The following ATF7 variants were observed in gnomAD, a reference collection of about 807,000 sequenced individuals.
ATF7 encodes activating transcription factor 7.
A neutral mutation model predicts 50.4 loss-of-function variants in ATF7; 10 were observed. The ratio of observed to expected loss-of-function variants is 0.20; its 90% CI spans 0.12 to 0.34. The LOEUF is 0.34. Ranked by LOEUF, ATF7 falls within the 10% of genes least tolerant of loss-of-function variation. ATF7 has a pLI of 1.00. For synonymous variants in ATF7, 201 were observed against 226.4 expected, an observed-to-expected ratio of 0.89 and a Z score of 1.01; for missense variants, 465 against 613.9, an observed-to-expected ratio of 0.76 and a Z score of 2.56.
chr12:53,546,508 A>AT (rs1220366462), intron 3 of ATF7, among the ~76,000 whole-genome samples: 1 of 151,050 alleles, frequency 6.6e-6, no homozygotes, highest in Admixed American at 6.6e-5. Context: ...GAGTGCAGCA[A>AT]TGTGATCTCG....
intron 9 of ATF7, among the ~76,000 whole-genome samples, chr12:53,527,865 G>A (rs1221042470): frequency 6.7e-6 from 1 of 150,276 alleles, no homozygotes. Flanking sequence ...TTTTTGAGAT[G>A]GAGTCTTGCT....
At chr12:53,599,378 T>C (rs1943291537) in intron 2 of ATF7, among the ~76,000 whole-genome samples, 3 of 152,054 alleles carry the variant, frequency 2.0e-5, no homozygotes, top group African/African-American at 7.2e-5. Context: ...TAAAGCTGTC[T>C]GAAAAGTGAA....
chr12:53,588,703 T>C (rs2137756322), intron 2 of ATF7, among the ~76,000 whole-genome samples: 1 of 152,342 alleles, frequency 6.6e-6, no homozygotes, highest in East Asian at 1.9e-4. Flanking sequence ...TAGTAGAGGA[T>C]GCTGAAGCCT....
Position 53,524,883 on chromosome 12 carries a change from G to T in ATF7, c.928-122C>A, listed in dbSNP as rs1200586274. ...GATATACCAGCCTCTGGTAACCACA[G>T]CAAGTCTCATTACTATGTCCCCAAG... On this transcript the variant is annotated intron_variant, in intron 9 of 11. Transcript: ENST00000420353. This position sits in a 1 kb window ranked among gnomAD's most constrained non-coding sequence, Gnocchi z 4.6. 6 of 944,096 alleles carry T rather than the reference G, an allele frequency of 6.4e-6. No individual in the cohort carries two copies. The highest frequency in any genetic ancestry group is 7.6e-6 in the Non-Finnish European group (5 of 657,390). 58.5% of individuals were successfully genotyped at this position (944,096 alleles called of 1,614,324 possible). A position where few individuals can be genotyped will look rare whatever the true frequency, so the allele number is the denominator to read the frequency against.
intron 4 of ATF7, among the ~76,000 whole-genome samples, chr12:53,539,689 TG>T (rs1939422516): frequency 3.2e-5 from 1 of 31,466 alleles, no homozygotes; most frequent in Non-Finnish European, 6.2e-5. Context: ...ATCCTGTCAA[TG>T]AATGAATGAA....
At position 53,517,322 on chromosome 12, in the gene ATF7, A is replaced by G; in HGVS notation, c.1267T>C (p.Ser423Pro). Residue 423 changes from serine to proline, a missense_variant, in exon 12 of 12, where the codon TCT becomes CCT. By Grantham distance (74) the Ser-to-Pro change is moderately conservative. Coordinates refer to ENST00000420353, the MANE Select transcript of ATF7 (RefSeq NM_006856.3). ...CTGTGCTGAATCACAGGGGCTGGAGAACCCGTTGGCTCTGAGCTTTCCTTG... is the reference window on the plus strand; with the variant it reads ...CTGTGCTGAATCACAGGGGCTGGAGGACCCGTTGGCTCTGAGCTTTCCTTG... ...SPKESSEPTG[S>P]PAPVIQHSSA... is the part of the protein sequence containing the mutation. 6.2e-7 allele frequency: 1 copy of G among 1,613,876 alleles called. No homozygotes were observed. The highest frequency in any genetic ancestry group is 1.3e-5 in the African/African-American group (1 of 75,038).
intron 2 of ATF7, among the ~76,000 whole-genome samples, chr12:53,573,094 A>AG (rs1234307626): frequency 6.6e-6 from 1 of 151,922 alleles, no homozygotes; most frequent in African/African-American, 2.4e-5. Flanking sequence ...CAAAAAAAAA[A>AG]AAAAAAGATG....
At chr12:53,601,097 T>A in intron 1 of ATF7, 76 bp from the exon 2 acceptor site, 1 of 1,089,100 alleles carries the variant, frequency 9.2e-7, no homozygotes, top group Non-Finnish European at 1.3e-6. Flanking sequence ...GCTTCAAAAA[T>A]ATCAACCCTA....
At chr12:53,548,507 T>A (rs1279360682) in intron 3 of ATF7, among the ~76,000 whole-genome samples, 2 of 151,690 alleles carry the variant, frequency 1.3e-5, no homozygotes, top group Non-Finnish European at 2.9e-5. Context: ...AATTTTAAAA[T>A]TTTTTTGTAG....
At chr12:53,552,437 C>T in intron 3 of ATF7, 104 bp downstream of exon 3, 1 of 894,230 alleles carries the variant, frequency 1.1e-6, no homozygotes, top group Non-Finnish European at 1.8e-6. Context: ...CATAAGGGCT[C>T]TTAATGGGAG....
intron 4 of ATF7, among the ~76,000 whole-genome samples, chr12:53,539,798 G>A (rs1248788510): frequency 6.6e-6 from 1 of 152,182 alleles, no homozygotes; most frequent in Non-Finnish European, 1.5e-5. Context: ...ACCAGGTGTG[G>A]TGGCTCACGC....
chr12:53,587,843 A>ATATATATATTTTTTT, intron 2 of ATF7, among the ~76,000 whole-genome samples: 9 of 61,568 alleles, frequency 1.5e-4, no homozygotes, highest in Non-Finnish European at 2.4e-4. Context: ...ATATATATAT[A>ATATATATATTTTTTT]TTTTTTTTTT....
intron 1 of ATF7, among the ~76,000 whole-genome samples, chr12:53,618,440 T>A (rs1329926296): frequency 6.6e-6 from 1 of 152,206 alleles, no homozygotes; most frequent in Non-Finnish European, 1.5e-5. Flanking sequence ...TGCAATTTTT[T>A]AAAAACGAAA....
In ATF7 at chr12:53,547,792, T is replaced by C. The variant is rs1940045320; in HGVS notation, c.146-4344A>G. Among the ~76,000 whole-genome samples the C allele has an allele frequency of 2.9e-5, 4 of 139,342 alleles. No homozygotes were observed. The South Asian group carries it at 9.5e-4, about 33-fold the overall frequency. The allele number at this position is 139,342 out of a possible 152,430, so 91.4% of individuals were successfully genotyped here. Reference sequence around the variant, plus strand: ...GTATGTATGTATGTATGTATGTATGTATGATGTATTTATTTTTAGATACAG... The same window carrying C: ...GTATGTATGTATGTATGTATGTATGCATGATGTATTTATTTTTAGATACAG... On this transcript the variant is annotated intron_variant, in intron 3 of 11. Transcript: ENST00000420353.
Position 53,517,350 on chromosome 12 carries a change from G to A in ATF7, c.1239C>T (p.Ser413=), listed in dbSNP as rs749421812. The part of the protein sequence containing the change: ...LQKKTQGYLE[S]PKESSEPTGS... Reference sequence around the variant, plus strand: ...CCGTTGGCTCTGAGCTTTCCTTGGGGCTTTCTGCCAGGAAGGAGGGCAAAG... The same window carrying A: ...CCGTTGGCTCTGAGCTTTCCTTGGGACTTTCTGCCAGGAAGGAGGGCAAAG... The change falls in exon 12 of 12, where the codon AGC becomes AGT. Residue 413 remains serine, a synonymous_variant. Coordinates refer to ENST00000420353, the MANE Select transcript of ATF7 (RefSeq NM_006856.3). The A allele has an allele frequency of 1.9e-6, 3 of 1,612,870 alleles. No individual in the cohort carries two copies. The highest frequency in any genetic ancestry group is 1.1e-5 in the South Asian group (1 of 90,956).
At chr12:53,565,481 T>C (rs969766646) in intron 2 of ATF7, among the ~76,000 whole-genome samples, 1 of 8,334 alleles carries the variant, frequency 1.2e-4, no homozygotes, top group Non-Finnish European at 2.4e-4. Flanking sequence ...ACTCTCTTTT[T>C]CTGGGCGGGG....
rs7959997 is a variant in ATF7, at chr12:53,559,101, G to A, written c.49-6464C>T. On this transcript the variant is annotated intron_variant, in intron 2 of 11. Coordinates refer to ENST00000420353, the MANE Select transcript of ATF7 (RefSeq NM_006856.3). ...GTTCAAGACCAGCCTGGGCAACATC[G>A]TTAAGACCTTGTCTCTATTTAAAAA... 6.8e-3 allele frequency among the ~76,000 whole-genome samples: 1,019 copies of A among 148,824 alleles called. 6 individuals are homozygous for A. The highest frequency in any genetic ancestry group is 0.024 in the African/African-American group (971 of 40,334).
At chr12:53,594,921 C>G (rs1002296944) in intron 2 of ATF7, among the ~76,000 whole-genome samples, 1 of 151,878 alleles carries the variant, frequency 6.6e-6, no homozygotes, top group Non-Finnish European at 1.5e-5. Context: ...AATCCCAGTC[C>G]CAGTTTTGTC....
At chr12:53,571,737 A>C (rs1941776358) in intron 2 of ATF7, among the ~76,000 whole-genome samples, 1 of 152,012 alleles carries the variant, frequency 6.6e-6, no homozygotes, top group Admixed American at 6.6e-5. Flanking sequence ...ATAAGGGTGA[A>C]TACTATTACA....
Sources: gnomAD v4.1 joint callset for allele counts (sites outside exome capture counted in the v4.1 genomes callset) on GRCh38, gnomAD v4.1.1 for gene constraint, Gnocchi (gnomAD v3.1) non-coding constraint, MANE v1.5 for transcripts, NCBI Gene and HGNC (gene_info 2026-07-23, HGNC 2026-07-21) for gene names.